Variants in VAV2 observed in about 807,000 individuals in gnomAD.
The protein encoded by VAV2 is vav guanine nucleotide exchange factor 2.
VAV2 carries 67 observed loss-of-function variants against 132.5 expected under a neutral mutation model. The ratio of observed to expected loss-of-function variants is 0.51; its 90% CI spans 0.42 to 0.62. The LOEUF (loss-of-function observed/expected upper bound fraction) is 0.62. Ranked by LOEUF, VAV2 falls within the 20% of genes least tolerant of loss-of-function variation. VAV2 has a pLI of 0.00. For synonymous variants in VAV2, 492 were observed against 443.5 expected (o/e 1.11, Z -1.37); for missense variants, 938 against 1,153.6 (o/e 0.81, Z 2.71).
Position 133,788,243 on chromosome 9 carries a change from C to CCCCCAAA in VAV2, c.1407+110_1407+111insTTTGGGG. On this transcript the variant is annotated intron_variant, in intron 15 of 29. Transcript: ENST00000371850. The surrounding 1 kb of genome is among the most constrained non-coding windows in gnomAD (Gnocchi z 5.3). ...AGACGCCCACCCCAACCCACCCGGC[C>CCCCCAAA]AGCATCAGCGGCTGACTTCGAGTCC... 2 of 1,310,486 alleles carry CCCCCAAA rather than the reference C, an allele frequency of 1.5e-6. No homozygotes were observed. The highest frequency in any genetic ancestry group is 2.1e-6 in the Non-Finnish European group (2 of 948,764). 81.2% of individuals were successfully genotyped at this position (1,310,486 alleles called of 1,614,324 possible).
chr9:133,927,656 C>T (rs1406326255), intron 2 of VAV2: 1 of 152,578 alleles, frequency 6.6e-6, no homozygotes, highest in Admixed American at 6.5e-5. Context: ...CCCCCAGATC[C>T]TCCCCTCTGC....
chr9:133,862,948 G>T (rs1005115423), intron 2 of VAV2, among the ~76,000 whole-genome samples: 5 of 152,186 alleles, frequency 3.3e-5, no homozygotes, highest in African/African-American at 1.2e-4. Context: ...GTACGTGCTC[G>T]TGATTCGGGA....
At chr9:133,977,267 G>A (rs76843238) in intron 1 of VAV2, among the ~76,000 whole-genome samples, 2,952 of 152,322 alleles carry the variant, frequency 0.019, 87 homozygotes, top group African/African-American at 0.065. Context: ...GCTGTAGATG[G>A]AACAGCTCAG....
At chr9:133,866,079 T>C (rs1302572911) in intron 2 of VAV2, among the ~76,000 whole-genome samples, 1 of 152,034 alleles carries the variant, frequency 6.6e-6, no homozygotes, top group Non-Finnish European at 1.5e-5. Context: ...CTCCATTCCA[T>C]CTCCCTCACC....
chr9:133,880,923 T>C (rs1399381239), intron 2 of VAV2, among the ~76,000 whole-genome samples: 2 of 152,246 alleles, frequency 1.3e-5, no homozygotes. Flanking sequence ...GCAGGTGAAC[T>C]GCAAGGATCC....
chr9:133,772,103 C>A, intron 25 of VAV2, 57 bp from the exon 26 acceptor site: 2 of 1,349,680 alleles, frequency 1.5e-6, no homozygotes, highest in Non-Finnish European at 2.0e-6. Flanking sequence ...GCCCCGGCCC[C>A]CTTGGCAGCC....
At chr9:133,953,598 G>A (rs1407762038) in intron 1 of VAV2, among the ~76,000 whole-genome samples, 1 of 152,176 alleles carries the variant, frequency 6.6e-6, no homozygotes, top group East Asian at 1.9e-4. Context: ...TGGCAGGGTG[G>A]GAAGTCAGGA....
intron 2 of VAV2, among the ~76,000 whole-genome samples, chr9:133,920,341 C>T (rs796359333): frequency 5.3e-5 from 8 of 152,330 alleles, no homozygotes; most frequent in African/African-American, 1.9e-4. Flanking sequence ...CAGCTGAGGG[C>T]GCTTTTCGCC....
At chr9:133,839,941 G>A (rs72762850) in intron 3 of VAV2, among the ~76,000 whole-genome samples, 153 of 152,304 alleles carry the variant, frequency 1.0e-3, no homozygotes, top group Non-Finnish European at 1.9e-3. Context: ...GGTGGGTTGG[G>A]TGGAGACTCT....
At position 133,899,638 on chromosome 9, in the gene VAV2, G is replaced by A. The variant is rs76214724; in HGVS notation, c.322-38206C>T. Among the ~76,000 whole-genome samples, 873 of 150,080 alleles carry A rather than the reference G, an allele frequency of 5.8e-3. 42 individuals are homozygous for A. In the South Asian group the frequency reaches 0.08, roughly 14 times the overall value. ...TTGACTAGGCTGGTCTCGAACTCCT[G>A]ACCTCAGGCGATCCACCCACCTCGG... On this transcript the variant is annotated intron_variant, in intron 2 of 29. Coordinates refer to ENST00000371850, the MANE Select transcript of VAV2 (RefSeq NM_001134398.2).
In VAV2 at chr9:133,863,268, C is replaced by A. The variant is rs1837668754; in HGVS notation, c.322-1836G>T. ...GCCCCCTCTCACACACCTCCTGCGG[C>A]AGACGTGGCTGATCAATCCCTCCGA... On this transcript the variant is annotated intron_variant, in intron 2 of 29. Transcript: ENST00000371850. This position sits in a 1 kb window ranked among gnomAD's most constrained non-coding sequence, Gnocchi z 5.0. Among the ~76,000 whole-genome samples the A allele has an allele frequency of 6.6e-6, 1 of 152,264 alleles. No individual in the cohort carries two copies. The highest frequency in any genetic ancestry group is 1.5e-5 in the Non-Finnish European group (1 of 68,044).
rs1192994312 is a variant in VAV2 at position 133,834,884 on chromosome 9, C to T, written c.381-544G>A. Among the ~76,000 whole-genome samples the T allele has an allele frequency of 1.3e-5, 2 of 152,018 alleles. No homozygotes were observed. The highest frequency in any genetic ancestry group is 2.4e-5 in the African/African-American group (1 of 41,378). On this transcript the variant is annotated intron_variant, in intron 3 of 29. Coordinates refer to ENST00000371850, the MANE Select transcript of VAV2 (RefSeq NM_001134398.2). This position sits in a 1 kb window ranked among gnomAD's most constrained non-coding sequence, Gnocchi z 5.9. The stretch of plus-strand genomic sequence containing the variant: ...CTGGCTTGAGGTCAGGAAGAGAGTC[C>T]CGAAAATGAAAAGCCCTCGGACCTT...
rs1833755896 is a variant in VAV2 at position 133,774,795 on chromosome 9, C to G, written c.2135+140G>C. On this transcript the variant is annotated intron_variant, in intron 25 of 29. Coordinates refer to ENST00000371850, the MANE Select transcript of VAV2 (RefSeq NM_001134398.2). Reference sequence around the variant, plus strand: ...CCCCCTGACCCCTCAGCACCGCTTTCATCTCAATAATGTCCTCACTTGGCA... The same window carrying G: ...CCCCCTGACCCCTCAGCACCGCTTTGATCTCAATAATGTCCTCACTTGGCA... 3 of 782,856 alleles carry G rather than the reference C, an allele frequency of 3.8e-6. No individual in the cohort carries two copies. The African/African-American group carries it at 5.2e-5, about 14-fold the overall frequency. 48.5% of individuals were successfully genotyped at this position (782,856 alleles called of 1,614,324 possible).
chr9:133,892,665 G>T (rs545423504), intron 2 of VAV2, among the ~76,000 whole-genome samples: 1 of 152,068 alleles, frequency 6.6e-6, no homozygotes, highest in Non-Finnish European at 1.5e-5. Context: ...ACTGTCCTTC[G>T]GCTCCAACAG....
intron 9 of VAV2, among the ~76,000 whole-genome samples, chr9:133,801,848 C>T (rs1251729865): frequency 6.6e-6 from 1 of 152,186 alleles, no homozygotes; most frequent in Non-Finnish European, 1.5e-5. Context: ...CCTCCAGCAG[C>T]TGCAGGACGT....
chr9:133,915,865 T>C (rs1022444279), intron 2 of VAV2, among the ~76,000 whole-genome samples: 2 of 144,094 alleles, frequency 1.4e-5, no homozygotes, highest in African/African-American at 5.3e-5. Context: ...ACGATGTACA[T>C]GTACACGCGA....
At chr9:133,799,550 C>T (rs529184233) in intron 9 of VAV2, among the ~76,000 whole-genome samples, 1 of 152,284 alleles carries the variant, frequency 6.6e-6, no homozygotes, top group South Asian at 2.1e-4. Context: ...TGGGGGGATC[C>T]CGTGTCCACA....
chr9:133,871,221 T>A (rs1588294090), intron 2 of VAV2, among the ~76,000 whole-genome samples: 1 of 144,232 alleles, frequency 6.9e-6, no homozygotes. Flanking sequence ...GATAAGTGGG[T>A]ACGTAGGTGG....
At chr9:133,839,401 AGG>A (rs1385157334) in intron 3 of VAV2, among the ~76,000 whole-genome samples, 4 of 151,476 alleles carry the variant, frequency 2.6e-5, no homozygotes, top group Non-Finnish European at 5.9e-5. Context: ...AGATATTCTC[AGG>A]CTGCTCTTAA....
Sources: allele counts gnomAD v4.1 joint callset (sites outside exome capture counted in the v4.1 genomes callset), GRCh38; gene constraint gnomAD v4.1.1; non-coding constraint Gnocchi (gnomAD v3.1); transcripts MANE v1.5; gene names NCBI Gene and HGNC (gene_info 2026-07-23, HGNC 2026-07-21).